The following EPB41L4A variants were observed in gnomAD, a reference collection of about 807,000 sequenced individuals.
EPB41L4A encodes the protein erythrocyte membrane protein band 4.1 like 4A.
Under a neutral mutation model 108.6 loss-of-function variants are expected in EPB41L4A, and 100 were observed. That is an observed-to-expected ratio of 0.92 (90% CI 0.78 to 1.09). The LOEUF is 1.09. Among genes scored for constraint, EPB41L4A ranks in the 50% least tolerant of loss-of-function variants. The pLI is 0.00. For synonymous variants in EPB41L4A, 319 were observed against 289.0 expected (o/e 1.10, Z -1.05); for missense variants, 1,030 against 842.7 (o/e 1.22, Z -2.75).
chr5:112,187,660 C>T (rs551783752), intron 17 of EPB41L4A, among the ~76,000 whole-genome samples: 1 of 152,298 alleles, frequency 6.6e-6, no homozygotes, highest in Admixed American at 6.5e-5. Flanking sequence ...TTGCAAAATT[C>T]TTCACATTAC....
intron 1 of EPB41L4A, among the ~76,000 whole-genome samples, chr5:112,382,639 G>A (rs921012061): frequency 6.6e-6 from 1 of 152,128 alleles, no homozygotes; most frequent in African/African-American, 2.4e-5. Flanking sequence ...GTCTTTGGAG[G>A]ATTCAGCAAG....
intron 1 of EPB41L4A, among the ~76,000 whole-genome samples, chr5:112,360,223 G>A (rs1305629614): frequency 1.3e-5 from 2 of 152,136 alleles, no homozygotes; most frequent in African/African-American, 2.4e-5. Flanking sequence ...AGGAGTTTGA[G>A]ACCAGCCTGG....
chr5:112,212,292 TTG>T lies in EPB41L4A; in HGVS notation c.1088-2312_1088-2311del, dbSNP rs749635750. 1.3e-3 allele frequency among the ~76,000 whole-genome samples: 189 copies of T among 144,732 alleles called. 2 individuals are homozygous for T. Among genetic ancestry groups the T allele is most frequent in the African/African-American group, 3.3e-3 (128 of 38,380 alleles). 94.9% of individuals were successfully genotyped at this position (144,732 alleles called of 152,430 possible). A position where few individuals can be genotyped will look rare whatever the true frequency, so the allele number is the denominator to read the frequency against. ...AGGTGTGCCCTACCATTAGTTGTTT[TTG>T]TTTTTTTTTTTCTCCTGAGACAGAG... is the stretch of plus-strand genomic sequence containing the variant. On this transcript the variant is annotated intron_variant, in intron 12 of 22. Coordinates refer to ENST00000261486, the MANE Select transcript of EPB41L4A (RefSeq NM_022140.5).
chr5:112,344,269 G>A (rs564429608), intron 1 of EPB41L4A, among the ~76,000 whole-genome samples: 11 of 152,286 alleles, frequency 7.2e-5, no homozygotes, highest in African/African-American at 2.6e-4. Context: ...CATATTTCAA[G>A]TACTCAACAT....
intron 12 of EPB41L4A, among the ~76,000 whole-genome samples, chr5:112,156,317 T>C (rs1265442928): frequency 6.6e-6 from 1 of 152,160 alleles, no homozygotes; most frequent in East Asian, 1.9e-4. Flanking sequence ...CATGCAATTA[T>C]GGTAGCTCAG....
At chr5:112,224,021 G>C (rs950387145) in intron 12 of EPB41L4A, among the ~76,000 whole-genome samples, 1 of 152,114 alleles carries the variant, frequency 6.6e-6, no homozygotes, top group Non-Finnish European at 1.5e-5. Context: ...GCGCGATCTC[G>C]GCTCATTGCA....
intron 18 of EPB41L4A, among the ~76,000 whole-genome samples, chr5:112,177,328 C>A (rs1213788007): frequency 6.6e-6 from 1 of 152,176 alleles, no homozygotes; most frequent in African/African-American, 2.4e-5. Flanking sequence ...CCGTTTCAAA[C>A]TGAAACACTC....
intron 14 of EPB41L4A, 78 bp downstream of exon 14, chr5:112,205,318 AGCTGTGATCAGCCACCCAGCAGCTG>A: frequency 1.1e-6 from 1 of 945,990 alleles, no homozygotes; most frequent in South Asian, 1.3e-5. Context: ...ATCCACAGCT[AGCTGTGATCAGCCACCCAGCAGCTG>A]GATTCCTTTA....
chr5:112,298,020 G>C (rs900569515), intron 2 of EPB41L4A, among the ~76,000 whole-genome samples: 4 of 152,006 alleles, frequency 2.6e-5, no homozygotes, highest in Non-Finnish European at 5.9e-5. Context: ...TGCTGTTTTG[G>C]TGACTATGGC....
At chr5:112,149,884 AGGGCCACTTG>A (rs1759401509) in intron 12 of EPB41L4A, among the ~76,000 whole-genome samples, 1 of 152,154 alleles carries the variant, frequency 6.6e-6, no homozygotes, top group East Asian at 1.9e-4. Flanking sequence ...TAGGCTTCAT[AGGGCCACTTG>A]GGAGTTAGGA....
chr5:112,311,640 T>C (rs917406312), intron 1 of EPB41L4A, among the ~76,000 whole-genome samples: 2 of 152,198 alleles, frequency 1.3e-5, no homozygotes, highest in African/African-American at 4.8e-5. Context: ...TTCTTATCAT[T>C]TCTGGTCCAC....
chr5:112,395,974 T>A (rs1761308306), intron 1 of EPB41L4A, among the ~76,000 whole-genome samples: 1 of 152,112 alleles, frequency 6.6e-6, no homozygotes, highest in South Asian at 2.1e-4. Context: ...CTGGAAACCA[T>A]CATTCTGAGC....
intron 17 of EPB41L4A, among the ~76,000 whole-genome samples, chr5:112,184,796 C>T (rs1761341051): frequency 6.6e-6 from 1 of 152,146 alleles, no homozygotes; most frequent in Non-Finnish European, 1.5e-5. Context: ...GAAGCACAGG[C>T]ACTTGACATG....
chr5:112,366,221 C>T (rs1301216211), intron 1 of EPB41L4A, among the ~76,000 whole-genome samples: 1 of 151,994 alleles, frequency 6.6e-6, no homozygotes, highest in Non-Finnish European at 1.5e-5. Flanking sequence ...CTCCACTCTC[C>T]TCTCCTTTTT....
intron 1 of EPB41L4A, among the ~76,000 whole-genome samples, chr5:112,325,843 G>A (rs1340911143): frequency 6.6e-6 from 1 of 152,148 alleles, no homozygotes; most frequent in Non-Finnish European, 1.5e-5. Context: ...GGTATTCTAT[G>A]AATATGTTAA....
At chr5:112,345,601 A>C (rs1298060842) in intron 1 of EPB41L4A, among the ~76,000 whole-genome samples, 1 of 152,110 alleles carries the variant, frequency 6.6e-6, no homozygotes, top group East Asian at 1.9e-4. Context: ...AAATGTACAA[A>C]TCTTAAGAAT....
At chr5:112,320,003 T>C (rs1468732627) in intron 1 of EPB41L4A, among the ~76,000 whole-genome samples, 8 of 152,238 alleles carry the variant, frequency 5.3e-5, no homozygotes, top group Non-Finnish European at 8.8e-5. Flanking sequence ...AGCAACTGCA[T>C]CTGTGAGTGA....
intron 2 of EPB41L4A, among the ~76,000 whole-genome samples, chr5:112,301,368 T>C (rs1754350259): frequency 6.6e-6 from 1 of 152,176 alleles, no homozygotes; most frequent in Non-Finnish European, 1.5e-5. Context: ...TCTCCCCCTT[T>C]TCCTAGGAAT....
At chr5:112,147,455 C>A (rs999527856) in intron 12 of EPB41L4A, among the ~76,000 whole-genome samples, 1 of 152,036 alleles carries the variant, frequency 6.6e-6, no homozygotes. Context: ...GCCTGGCCAA[C>A]ATAGTGAAAC....
Sources: allele counts gnomAD v4.1 joint callset (sites outside exome capture counted in the v4.1 genomes callset), GRCh38; gene constraint gnomAD v4.1.1; transcripts MANE v1.5; gene names NCBI Gene and HGNC (gene_info 2026-07-23, HGNC 2026-07-21).